SVOPL: variants seen among roughly 807,000 people sequenced by gnomAD.
SVOPL encodes the protein SVOP like.
A neutral mutation model predicts 61.0 loss-of-function variants in SVOPL; 60 were observed. The ratio of observed to expected loss-of-function variants is 0.98; its 90% CI spans 0.80 to 1.22. The LOEUF (loss-of-function observed/expected upper bound fraction) is 1.22, where lower values mean the gene tolerates loss of function less well. Among genes scored for constraint, SVOPL ranks in the 50% most tolerant of loss-of-function variants. SVOPL has a pLI of 0.00. For missense variants in SVOPL, 662 were observed against 643.9 expected (o/e 1.03, Z -0.30); for synonymous variants, 279 against 250.0 (o/e 1.12, Z -1.09).
Position 138,664,406 on chromosome 7 carries a change from T to C in SVOPL, c.274-1261A>G, listed in dbSNP as rs373541572. Among the ~76,000 whole-genome samples, 197 of 124,242 alleles carry C rather than the reference T, an allele frequency of 1.6e-3. 4 individuals are homozygous for C. The South Asian group carries it at 0.056, about 35-fold the overall frequency. 81.5% of individuals were successfully genotyped at this position (124,242 alleles called of 152,430 possible). A position where few individuals can be genotyped will look rare whatever the true frequency, so the allele number is the denominator to read the frequency against. ...CTCCATCGGGCACGCCTCTGACCCA[T>C]TGGGCGCGTGCCTAACCCTCTGGCA... On this transcript the variant is annotated intron_variant, in intron 4 of 15. Coordinates refer to ENST00000674285, the MANE Select transcript of SVOPL (RefSeq NM_001139456.2).
intron 12 of SVOPL, 142 bp downstream of exon 12, chr7:138,627,208 G>C (rs1182919953): frequency 1.7e-6 from 1 of 605,358 alleles, no homozygotes; most frequent in Non-Finnish European, 2.9e-6. Context: ...GAACAGGCAA[G>C]ACCATTCTAG....
At chr7:138,674,537 TGAGCTGGG>T (rs761271324) in intron 3 of SVOPL, among the ~76,000 whole-genome samples, 3 of 151,792 alleles carry the variant, frequency 2.0e-5, no homozygotes, top group African/African-American at 2.4e-5. Flanking sequence ...TCCTAGCTGG[TGAGCTGGG>T]GAGAATTCCC....
At chr7:138,638,899 G>C (rs1023832814) in intron 9 of SVOPL, among the ~76,000 whole-genome samples, 2 of 152,214 alleles carry the variant, frequency 1.3e-5, no homozygotes, top group African/African-American at 2.4e-5. Flanking sequence ...GGAAAGACAT[G>C]ATTCAGAAGA....
intron 14 of SVOPL, among the ~76,000 whole-genome samples, chr7:138,617,434 CAA>C (rs1279109124): frequency 1.3e-5 from 2 of 152,096 alleles, no homozygotes; most frequent in Non-Finnish European, 2.9e-5. Flanking sequence ...AGTGGAAGAA[CAA>C]GAGGAAGAAT....
At chr7:138,676,591 AG>A (rs1293573815) in intron 3 of SVOPL, among the ~76,000 whole-genome samples, 1 of 151,436 alleles carries the variant, frequency 6.6e-6, no homozygotes, top group African/African-American at 2.5e-5. Flanking sequence ...GGGTTTTGGA[AG>A]GGACACATTC....
At chr7:138,637,043 TA>T (rs1800500227) in intron 9 of SVOPL, among the ~76,000 whole-genome samples, 2 of 152,202 alleles carry the variant, frequency 1.3e-5, no homozygotes, top group South Asian at 4.1e-4. Flanking sequence ...TATCATATAA[TA>T]AATCCCCATA....
chr7:138,685,186 C>A (rs1172784287), intron 1 of SVOPL, among the ~76,000 whole-genome samples: 8 of 151,878 alleles, frequency 5.3e-5, no homozygotes, highest in African/African-American at 1.9e-4. Context: ...CCTGCCTCAG[C>A]CTCCCAAAGT....
chr7:138,644,633 C>G (rs951156512), intron 9 of SVOPL, 84 bp downstream of exon 9: 4 of 1,536,806 alleles, frequency 2.6e-6, no homozygotes, highest in Non-Finnish European at 2.6e-6. Flanking sequence ...AACAAGGGTC[C>G]CCCCTCCCTC....
At chr7:138,630,673 G>A (rs563649418) in intron 9 of SVOPL, among the ~76,000 whole-genome samples, 2 of 151,984 alleles carry the variant, frequency 1.3e-5, no homozygotes, top group African/African-American at 2.4e-5. Context: ...CTGGGTGTGG[G>A]GGCTCACGCC....
At chr7:138,669,412 AAAC>A (rs766554652) in intron 4 of SVOPL, among the ~76,000 whole-genome samples, 23 of 152,182 alleles carry the variant, frequency 1.5e-4, no homozygotes, top group South Asian at 8.3e-4. Context: ...TGTTTCAACA[AAAC>A]AACAACAATG....
chr7:138,617,664 A>G (rs1659818), intron 14 of SVOPL, among the ~76,000 whole-genome samples: 100,398 of 151,984 alleles, frequency 0.66, 34,302 homozygotes, highest in East Asian at 1. Flanking sequence ...GTGAGACCTC[A>G]TCTCTACTAA....
intron 9 of SVOPL, among the ~76,000 whole-genome samples, chr7:138,642,538 TAA>T (rs888984934): frequency 6.6e-6 from 1 of 151,932 alleles, no homozygotes; most frequent in Admixed American, 6.6e-5. Context: ...AAAATATATA[TAA>T]CCAAGGCTGG....
intron 9 of SVOPL, among the ~76,000 whole-genome samples, chr7:138,636,683 C>T (rs1413822097): frequency 1.3e-5 from 2 of 152,028 alleles, no homozygotes; most frequent in South Asian, 4.2e-4. Context: ...GTTGGCCAGG[C>T]TGGTCTCGAA....
chr7:138,677,198 C>T (rs1357736907), intron 3 of SVOPL, among the ~76,000 whole-genome samples: 3 of 152,160 alleles, frequency 2.0e-5, no homozygotes, highest in Non-Finnish European at 4.4e-5. Flanking sequence ...GCCACTGCGC[C>T]CGGCCTCCTG....
At chr7:138,663,958 C>T (rs907158196) in intron 4 of SVOPL, among the ~76,000 whole-genome samples, 1 of 152,162 alleles carries the variant, frequency 6.6e-6, no homozygotes, top group African/African-American at 2.4e-5. Flanking sequence ...AAATGCATTT[C>T]TCCCACACTG....
chr7:138,628,701 C>A (rs1800016315), intron 10 of SVOPL, among the ~76,000 whole-genome samples: 1 of 152,170 alleles, frequency 6.6e-6, no homozygotes, highest in African/African-American at 2.4e-5. Context: ...CCTTCTCAAC[C>A]CTTGGTATTG....
At chr7:138,648,042 C>CA (rs1222565806) in intron 8 of SVOPL, among the ~76,000 whole-genome samples, 1 of 152,040 alleles carries the variant, frequency 6.6e-6, no homozygotes, top group African/African-American at 2.4e-5. Flanking sequence ...GCTGAGTGGT[C>CA]AATCTTGTCT....
In SVOPL at chr7:138,671,932, C is replaced by T. The variant is rs1208644000; in HGVS notation, c.273+87G>A. The T allele has an allele frequency of 4.9e-6, 6 of 1,225,206 alleles. No homozygotes were observed. In the African/African-American group the frequency reaches 6.0e-5, roughly 12 times the overall value. 75.9% of individuals were successfully genotyped at this position (1,225,206 alleles called of 1,614,324 possible). ...AGCCAACAGTGGCAGTGGTGAGACA[C>T]CCTTTGGCTCTCAGCCCTGCAGGAT... On this transcript the variant is annotated intron_variant, in intron 4 of 15. Transcript: ENST00000674285.
intron 3 of SVOPL, among the ~76,000 whole-genome samples, chr7:138,677,508 T>C (rs946680479): frequency 5.3e-5 from 8 of 152,164 alleles, no homozygotes; most frequent in African/African-American, 1.9e-4. Context: ...CCAAGACATG[T>C]TTCTTTGCCG....
Sources: gnomAD v4.1 joint callset for allele counts (sites outside exome capture counted in the v4.1 genomes callset) on GRCh38, gnomAD v4.1.1 for gene constraint, MANE v1.5 for transcripts, NCBI Gene and HGNC (gene_info 2026-07-23, HGNC 2026-07-21) for gene names.